The following SIPA1L2 variants were observed in gnomAD, a reference collection of about 807,000 sequenced individuals.
SIPA1L2 encodes signal-induced proliferation-associated 1-like protein 2.
SIPA1L2 carries 56 observed loss-of-function variants against 163.9 expected under a neutral mutation model. The observed-to-expected ratio is 0.34, with a 90% CI of 0.28 to 0.43. SIPA1L2 has a LOEUF of 0.43. SIPA1L2 is among the 20% of genes least tolerant of loss of function. The pLI is 1.00. For synonymous variants in SIPA1L2, 877 were observed against 865.7 expected, an observed-to-expected ratio of 1.01 and a Z score of -0.23; for missense variants, 1,974 against 2,193.5, an observed-to-expected ratio of 0.90 and a Z score of 2.00.
intron 2 of SIPA1L2, among the ~76,000 whole-genome samples, chr1:232,572,939 C>A (rs2781794): frequency 0.24 from 36,508 of 151,172 alleles, 4,624 homozygotes; most frequent in South Asian, 0.37. Flanking sequence ...CCACCATGCC[C>A]GTCTAATTTT....
At chr1:232,488,245 G>A (rs934159634) in intron 5 of SIPA1L2, among the ~76,000 whole-genome samples, 4 of 152,074 alleles carry the variant, frequency 2.6e-5, no homozygotes, top group Admixed American at 6.6e-5. Flanking sequence ...GAGCTACCGC[G>A]CCCAGCCCAT....
chr1:232,553,010 C>T (rs560160317), intron 2 of SIPA1L2, among the ~76,000 whole-genome samples: 19 of 152,260 alleles, frequency 1.2e-4, no homozygotes, highest in Non-Finnish European at 2.1e-4. Flanking sequence ...CATCTGCAGA[C>T]GGCCTAAGTG....
At chr1:232,463,465 A>G (rs2102924736) in intron 9 of SIPA1L2, among the ~76,000 whole-genome samples, 1 of 152,344 alleles carries the variant, frequency 6.6e-6, no homozygotes, top group South Asian at 2.1e-4. Flanking sequence ...GTCATCCTAG[A>G]CACAGAATAT....
At chr1:232,512,358 T>C (rs1667018122) in intron 3 of SIPA1L2, among the ~76,000 whole-genome samples, 1 of 152,280 alleles carries the variant, frequency 6.6e-6, no homozygotes, top group East Asian at 1.9e-4. Flanking sequence ...GACCCAGCAA[T>C]GTCATTACTG....
chr1:232,430,353 T>C (rs937614137), intron 16 of SIPA1L2, among the ~76,000 whole-genome samples: 3 of 152,240 alleles, frequency 2.0e-5, no homozygotes, highest in African/African-American at 7.2e-5. Flanking sequence ...GAGACAGAAC[T>C]GCTCATTCGC....
At chr1:232,574,660 A>G (rs537993520) in intron 1 of SIPA1L2, among the ~76,000 whole-genome samples, 25 of 152,358 alleles carry the variant, frequency 1.6e-4, no homozygotes, top group Non-Finnish European at 2.6e-4. Flanking sequence ...TAGTATAGTA[A>G]ACATCAACAG....
intron 1 of SIPA1L2, among the ~76,000 whole-genome samples, chr1:232,609,250 A>G (rs1448266036): frequency 1.3e-5 from 2 of 152,196 alleles, no homozygotes; most frequent in Admixed American, 1.3e-4. Context: ...TTGTTCATCA[A>G]ATTAACTATT....
chr1:232,447,565 A>C (rs1536323), intron 10 of SIPA1L2, among the ~76,000 whole-genome samples: 47,796 of 152,192 alleles, frequency 0.31, 8,277 homozygotes, highest in East Asian at 0.56. Flanking sequence ...CTCACCACTG[A>C]AGGAAGGCAC....
chr1:232,445,498 G>T, intron 11 of SIPA1L2, 31 bp downstream of exon 11: 1 of 1,612,282 alleles, frequency 6.2e-7, no homozygotes, highest in Non-Finnish European at 8.5e-7. Context: ...ATTTACAAGG[G>T]CCCCCCTTGA....
intron 10 of SIPA1L2, among the ~76,000 whole-genome samples, chr1:232,454,474 G>C (rs990230070): frequency 1.3e-5 from 2 of 152,162 alleles, no homozygotes; most frequent in African/African-American, 4.8e-5. Context: ...CAACTGCTTT[G>C]TTTCTTAGAA....
intron 22 of SIPA1L2, among the ~76,000 whole-genome samples, chr1:232,401,586 G>A (rs1660344545): frequency 6.6e-6 from 1 of 152,256 alleles, no homozygotes; most frequent in African/African-American, 2.4e-5. Flanking sequence ...ACACACACAT[G>A]TGCACACATA....
chr1:232,466,823 A>T (rs1439574065), intron 8 of SIPA1L2, among the ~76,000 whole-genome samples: 1 of 152,080 alleles, frequency 6.6e-6, no homozygotes, highest in Non-Finnish European at 1.5e-5. Context: ...AAACAAAAAA[A>T]CAAAGGAAAG....
upstream of SIPA1L2, among the ~76,000 whole-genome samples, chr1:232,630,162 G>C (rs1285253843): frequency 2.6e-5 from 4 of 151,400 alleles, no homozygotes; most frequent in Non-Finnish European, 4.4e-5. Flanking sequence ...GCCACCGCCC[G>C]CCCGCCCAGC....
chr1:232,407,530 A>G (rs1437293360), intron 19 of SIPA1L2, among the ~76,000 whole-genome samples: 1 of 152,254 alleles, frequency 6.6e-6, no homozygotes, highest in African/African-American at 2.4e-5. Context: ...ATTTTTGGAA[A>G]ATACGGTTAT....
At chr1:232,459,637 T>C (rs889673942) in intron 10 of SIPA1L2, among the ~76,000 whole-genome samples, 12 of 152,018 alleles carry the variant, frequency 7.9e-5, no homozygotes, top group Admixed American at 4.6e-4. Flanking sequence ...CTTCCCCTTC[T>C]GAGTAGCTGG....
At chr1:232,400,244 C>G (rs949645302) in intron 22 of SIPA1L2, among the ~76,000 whole-genome samples, 2 of 152,158 alleles carry the variant, frequency 1.3e-5, no homozygotes, top group African/African-American at 4.8e-5. Flanking sequence ...TACTGACTCT[C>G]CCCGGACATT....
At chr1:232,516,007 A>G (rs945031441) in intron 2 of SIPA1L2, among the ~76,000 whole-genome samples, 1 of 152,228 alleles carries the variant, frequency 6.6e-6, no homozygotes, top group Non-Finnish European at 1.5e-5. Flanking sequence ...ACCAGCATTA[A>G]CTATTAAGGT....
rs750305602 is a variant in SIPA1L2, at chr1:232,402,485, G to C, written c.4941-12C>G. ...ATGGAGAACGCTCCCTAGCAAATAAGGATAGAATTAGAAAGATTCAAGAGA... is the reference window on the plus strand; with the variant it reads ...ATGGAGAACGCTCCCTAGCAAATAACGATAGAATTAGAAAGATTCAAGAGA... On this transcript the variant is annotated splice_polypyrimidine_tract_variant and intron_variant, in intron 21 of 22. Coordinates refer to ENST00000674635, the MANE Select transcript of SIPA1L2 (RefSeq NM_020808.5). The C allele has an allele frequency of 6.2e-7, 1 of 1,607,272 alleles. No homozygotes were observed. Among genetic ancestry groups the C allele is most frequent in the South Asian group, 1.1e-5 (1 of 89,984 alleles).
chr1:232,456,501 C>CA (rs898096251), intron 10 of SIPA1L2, among the ~76,000 whole-genome samples: 8 of 151,944 alleles, frequency 5.3e-5, no homozygotes, highest in Admixed American at 1.3e-4. Flanking sequence ...AAAAAAATCA[C>CA]AAAAAAACAG....
Sources: gnomAD v4.1 joint callset for allele counts (sites outside exome capture counted in the v4.1 genomes callset) on GRCh38, gnomAD v4.1.1 for gene constraint, MANE v1.5 for transcripts, NCBI Gene and HGNC (gene_info 2026-07-23, HGNC 2026-07-21) for gene names.